Variants in KCNN3 observed in about 807,000 individuals in gnomAD.
KCNN3 encodes the protein small conductance calcium-activated potassium channel protein 3.
Under a neutral mutation model 62.9 loss-of-function variants are expected in KCNN3, and 16 were observed. The ratio of observed to expected loss-of-function variants is 0.25; its 90% CI spans 0.17 to 0.39. The LOEUF is 0.39. Among genes scored for constraint, KCNN3 ranks in the 10% least tolerant of loss-of-function variants. The pLI, the probability that KCNN3 is intolerant of heterozygous loss-of-function variation, is 1.00. For synonymous variants in KCNN3, 370 were observed against 389.2 expected, an observed-to-expected ratio of 0.95 and a Z score of 0.58; for missense variants, 599 against 949.4, an observed-to-expected ratio of 0.63 and a Z score of 4.85.
chr1:154,768,119 C>A (rs1032501153), intron 3 of KCNN3, among the ~76,000 whole-genome samples: 2 of 152,238 alleles, frequency 1.3e-5, no homozygotes, highest in African/African-American at 2.4e-5. Flanking sequence ...AGTCACTTAC[C>A]CTCTCTGATG....
At chr1:154,737,473 C>G (rs1231773827) in intron 3 of KCNN3, among the ~76,000 whole-genome samples, 1 of 152,082 alleles carries the variant, frequency 6.6e-6, no homozygotes, top group Non-Finnish European at 1.5e-5. Flanking sequence ...TAAAAATAAG[C>G]AGGCAACCAG....
chr1:154,759,959 TTTTTA>T (rs1221969298), intron 3 of KCNN3, among the ~76,000 whole-genome samples: 4 of 152,136 alleles, frequency 2.6e-5, no homozygotes, highest in African/African-American at 4.8e-5. Context: ...ACCAGTTTCT[TTTTTA>T]TTTTATTTTC....
intron 1 of KCNN3, among the ~76,000 whole-genome samples, chr1:154,851,775 A>G (rs777247744): frequency 1.3e-5 from 2 of 152,170 alleles, no homozygotes; most frequent in Non-Finnish European, 2.9e-5. Context: ...GGGCTCCCTG[A>G]CCCTGGCTTG....
In KCNN3 at chr1:154,726,024, A is replaced by C. The variant is rs1208033012; in HGVS notation, c.1593T>G (p.Gly531=). 1.2e-6 allele frequency: 2 copies of C among 1,612,838 alleles called. No homozygotes were observed. The highest frequency in any genetic ancestry group is 8.5e-7 in the Non-Finnish European group (1 of 1,179,044). ...KGVCLLTGIM[G]AGCTALVVAV... ...CCACCACAAGGGCAGTGCAGCCTGC[A>C]CCCTGCGGGGGGACATCAAGAGGAC... The change falls in exon 5 of 8, where the codon GGT becomes GGG. Residue 531 remains glycine (G), a splice_region_variant and synonymous_variant. Coordinates refer to ENST00000271915, the MANE Select transcript of KCNN3 (RefSeq NM_002249.6).
chr1:154,753,177 C>T (rs1395594883), intron 3 of KCNN3, among the ~76,000 whole-genome samples: 1 of 152,200 alleles, frequency 6.6e-6, no homozygotes, highest in Non-Finnish European at 1.5e-5. Flanking sequence ...TTCACATCTA[C>T]TTAACTCAGT....
chr1:154,860,951 GT>G (rs761437574), intron 1 of KCNN3, among the ~76,000 whole-genome samples: 51 of 112,054 alleles, frequency 4.6e-4, no homozygotes, highest in South Asian at 6.4e-4. Flanking sequence ...TGCCACCCAA[GT>G]TTTTTTTTTT....
chr1:154,770,522 T>G (rs1206166723), intron 3 of KCNN3, among the ~76,000 whole-genome samples: 1 of 152,166 alleles, frequency 6.6e-6, no homozygotes, highest in Non-Finnish European at 1.5e-5. Flanking sequence ...GTTGACAAAT[T>G]AAGGGCGACT....
At chr1:154,840,864 A>G (rs1240101198) in intron 1 of KCNN3, among the ~76,000 whole-genome samples, 1 of 152,056 alleles carries the variant, frequency 6.6e-6, no homozygotes, top group Non-Finnish European at 1.5e-5. Flanking sequence ...GCCCCCACCA[A>G]CGCCCTCCCC....
intron 2 of KCNN3, among the ~76,000 whole-genome samples, chr1:154,796,931 G>A (rs1396148836): frequency 6.6e-5 from 10 of 152,224 alleles, no homozygotes; most frequent in South Asian, 2.1e-4. Context: ...TGAAAAAGGC[G>A]TTTGGGATCT....
chr1:154,732,617 C>A (rs1338497280), intron 4 of KCNN3, among the ~76,000 whole-genome samples: 1 of 152,128 alleles, frequency 6.6e-6, no homozygotes, highest in Non-Finnish European at 1.5e-5. Flanking sequence ...TCAGTGGGAC[C>A]AAGGCAACAG....
At chr1:154,751,349 C>T (rs887498585) in intron 3 of KCNN3, among the ~76,000 whole-genome samples, 1 of 152,208 alleles carries the variant, frequency 6.6e-6, no homozygotes, top group Non-Finnish European at 1.5e-5. Context: ...CAACTAGCAG[C>T]TGGGCTGACT....
intron 1 of KCNN3, among the ~76,000 whole-genome samples, chr1:154,866,549 C>T (rs145508071): frequency 2.7e-4 from 41 of 152,282 alleles, no homozygotes; most frequent in African/African-American, 8.9e-4. Context: ...TCTATCTTGG[C>T]CCTGCAGTGT....
At chr1:154,715,324 T>C (rs1258132283) in intron 5 of KCNN3, among the ~76,000 whole-genome samples, 2 of 150,130 alleles carry the variant, frequency 1.3e-5, no homozygotes, top group Non-Finnish European at 2.9e-5. Flanking sequence ...TAGTACCAGC[T>C]ACTTTGGAGA....
chr1:154,859,744 T>C (rs1343224089), intron 1 of KCNN3: 3 of 1,614,144 alleles, frequency 1.9e-6, no homozygotes, highest in South Asian at 2.2e-5. Flanking sequence ...CAAACAACTG[T>C]CCTTGCAGAT....
intron 7 of KCNN3, among the ~76,000 whole-genome samples, chr1:154,712,379 C>T (rs980461692): frequency 6.6e-6 from 1 of 152,162 alleles, no homozygotes; most frequent in South Asian, 2.1e-4. Flanking sequence ...TCCACGTGAA[C>T]GCCCTCCTCC....
intron 3 of KCNN3, among the ~76,000 whole-genome samples, chr1:154,760,725 G>A (rs1647966106): frequency 6.6e-6 from 1 of 152,230 alleles, no homozygotes; most frequent in African/African-American, 2.4e-5. Context: ...GGACGCCCGG[G>A]AGGCTACTGA....
At chr1:154,777,945 A>G (rs1648859761) in intron 2 of KCNN3, among the ~76,000 whole-genome samples, 1 of 152,244 alleles carries the variant, frequency 6.6e-6, no homozygotes, top group African/African-American at 2.4e-5. Flanking sequence ...TGGGAAAAGG[A>G]AAGCCACATT....
chr1:154,777,829 T>C (rs1299481454), intron 2 of KCNN3, among the ~76,000 whole-genome samples: 2 of 152,192 alleles, frequency 1.3e-5, no homozygotes, highest in African/African-American at 4.8e-5. Flanking sequence ...AAGTGGTCTG[T>C]TCTGGCCTGT....
chr1:154,714,524 TTGTGTGTGGTG>T (rs1700182265), intron 6 of KCNN3, among the ~76,000 whole-genome samples: 1 of 49,846 alleles, frequency 2.0e-5, no homozygotes, highest in African/African-American at 8.8e-5. Context: ...TGTGTGGTGT[TTGTGTGTGGTG>T]TGTGTGGGGT....
Sources: gnomAD v4.1 joint callset for allele counts (sites outside exome capture counted in the v4.1 genomes callset) on GRCh38, gnomAD v4.1.1 for gene constraint, MANE v1.5 for transcripts, NCBI Gene and HGNC (gene_info 2026-07-23, HGNC 2026-07-21) for gene names.